The following EPB41L4A variants were observed in gnomAD, a reference collection of about 807,000 sequenced individuals.
EPB41L4A encodes the protein band 4.1-like protein 4A.
Under a neutral mutation model 108.6 loss-of-function variants are expected in EPB41L4A, and 100 were observed. The ratio of observed to expected loss-of-function variants is 0.92; its 90% CI spans 0.78 to 1.09. The LOEUF is 1.09. Among genes scored for constraint, EPB41L4A ranks in the 50% least tolerant of loss-of-function variants. The pLI is 0.00. For missense variants in EPB41L4A, 1,030 were observed against 842.7 expected (o/e 1.22, Z -2.75); for synonymous variants, 319 against 289.0 (o/e 1.10, Z -1.05).
chr5:112,330,229 T>C (rs1756470891), intron 1 of EPB41L4A, among the ~76,000 whole-genome samples: 1 of 151,892 alleles, frequency 6.6e-6, no homozygotes, highest in South Asian at 2.1e-4. Flanking sequence ...ATGGATTTCA[T>C]TTGCAGGGCA....
rs1043305122 is a variant in EPB41L4A at position 112,164,351 on chromosome 5, G to A, written c.*639C>T. ...GCCCTGGGAAGACGTCCTCCCACTT[G>A]TACTATTGCACAGCAGGCTAGCTGC... On this transcript the variant is annotated 3_prime_UTR_variant, in exon 23 of 23. Coordinates refer to ENST00000261486, the MANE Select transcript of EPB41L4A (RefSeq NM_022140.5). 6.6e-5 allele frequency: 10 copies of A among 152,240 alleles called. No individual in the cohort carries two copies. Among genetic ancestry groups the A allele is most frequent in the African/African-American group, 1.4e-4 (6 of 41,468 alleles). 9.4% of individuals were successfully genotyped at this position (152,240 alleles called of 1,614,324 possible).
At chr5:112,380,931 G>A (rs1440227345) in intron 1 of EPB41L4A, among the ~76,000 whole-genome samples, 1 of 151,876 alleles carries the variant, frequency 6.6e-6, no homozygotes, top group Admixed American at 6.6e-5. Flanking sequence ...ATTCCTTCTG[G>A]TTGCAGGCCA....
intron 9 of EPB41L4A, among the ~76,000 whole-genome samples, chr5:112,255,981 A>G (rs1364182632): frequency 2.6e-4 from 40 of 152,142 alleles, no homozygotes. Flanking sequence ...TTAAGTGACC[A>G]GGACTCCTCT....
intron 15 of EPB41L4A, among the ~76,000 whole-genome samples, chr5:112,198,964 GA>G (rs1485779977): frequency 1.3e-5 from 2 of 152,094 alleles, no homozygotes. Flanking sequence ...TTTCTAGACA[GA>G]AGCAATGCTC....
chr5:112,259,210 T>A lies in EPB41L4A; in HGVS notation c.795+19A>T, dbSNP rs1200250615. ...AAGACACCCCTCTTCTAATTTAAGC[T>A]AAGGGCTTGGAAACTTACATCTTTT... On this transcript the variant is annotated intron_variant, in intron 9 of 22. Transcript: ENST00000261486. 1.8e-5 allele frequency: 28 copies of A among 1,596,340 alleles called. No homozygotes were observed. Among genetic ancestry groups the A allele is most frequent in the Non-Finnish European group, 2.3e-5 (27 of 1,163,892 alleles).
intron 17 of EPB41L4A, among the ~76,000 whole-genome samples, chr5:112,185,670 CT>C (rs1236396362): frequency 6.6e-6 from 1 of 152,144 alleles, no homozygotes; most frequent in African/African-American, 2.4e-5. Flanking sequence ...GAGCATAATT[CT>C]TTCTCTCATT....
intron 1 of EPB41L4A, among the ~76,000 whole-genome samples, chr5:112,360,111 T>C (rs982350449): frequency 3.3e-5 from 5 of 152,078 alleles, no homozygotes; most frequent in East Asian, 1.9e-4. Context: ...ACAGATTCAA[T>C]AGGAATCCAA....
chr5:112,410,521 G>C (rs924239244), intron 1 of EPB41L4A, among the ~76,000 whole-genome samples: 2 of 152,130 alleles, frequency 1.3e-5, no homozygotes, highest in Admixed American at 6.5e-5. Context: ...TAGGAGGTGG[G>C]AATTCCAAGA....
At chr5:112,186,055 T>G (rs1310994283) in intron 17 of EPB41L4A, among the ~76,000 whole-genome samples, 1 of 152,132 alleles carries the variant, frequency 6.6e-6, no homozygotes, top group Admixed American at 6.5e-5. Context: ...AACCCACACC[T>G]GGATTGCTGG....
chr5:112,403,537 G>A (rs73214274), intron 1 of EPB41L4A, among the ~76,000 whole-genome samples: 1 of 152,046 alleles, frequency 6.6e-6, no homozygotes, highest in South Asian at 2.1e-4. Flanking sequence ...GAGTGCAGTG[G>A]AGCTTACTGC....
intron 1 of EPB41L4A, among the ~76,000 whole-genome samples, chr5:112,320,378 C>T (rs1300223221): frequency 6.6e-6 from 1 of 152,178 alleles, no homozygotes; most frequent in Admixed American, 6.5e-5. Flanking sequence ...TTATAACTTT[C>T]CCCCTTAACA....
rs17134308 is a variant in EPB41L4A at position 112,281,863 on chromosome 5, T to C, written c.205-1540A>G. 4.5e-3 allele frequency among the ~76,000 whole-genome samples: 690 copies of C among 152,336 alleles called. 9 individuals carry two copies. The highest frequency in any genetic ancestry group is 0.016 in the African/African-American group (668 of 41,582). ...TACAACTGTTGTAGTCATTTTACTG[T>C]AAGATTTTATAACTATACTAAACTC... On this transcript the variant is annotated intron_variant, in intron 2 of 22. Coordinates refer to ENST00000261486, the MANE Select transcript of EPB41L4A (RefSeq NM_022140.5).
intron 1 of EPB41L4A, among the ~76,000 whole-genome samples, chr5:112,330,177 A>C (rs1443286927): frequency 6.6e-6 from 1 of 151,866 alleles, no homozygotes; most frequent in East Asian, 2.0e-4. Context: ...GCTTAGGTGT[A>C]CTCAGGTCCA....
chr5:112,346,216 ATTTTTT>A (rs561328868), intron 1 of EPB41L4A, among the ~76,000 whole-genome samples: 1,816 of 67,264 alleles, frequency 0.027, 13 homozygotes, highest in Middle Eastern at 0.1. Context: ...GGTACATTGC[ATTTTTT>A]TTTTTTTTTT....
chr5:112,280,120 G>T (rs1752871565), intron 3 of EPB41L4A, 152 bp downstream of exon 3: 1 of 687,732 alleles, frequency 1.5e-6, no homozygotes, highest in Non-Finnish European at 2.6e-6. Context: ...GCCTAGCAAT[G>T]CACACAATAC....
intron 18 of EPB41L4A, among the ~76,000 whole-genome samples, chr5:112,177,727 A>G (rs1445837035): frequency 6.6e-6 from 1 of 152,218 alleles, no homozygotes; most frequent in Admixed American, 6.5e-5. Context: ...TAAATTTTAA[A>G]TGTTACAATA....
chr5:112,419,104 A>G lies in EPB41L4A; in HGVS notation c.-65T>C. 2 of 1,240,888 alleles carry G rather than the reference A, an allele frequency of 1.6e-6. No individual in the cohort carries two copies. The highest frequency in any genetic ancestry group is 2.4e-6 in the Non-Finnish European group (2 of 846,000). 76.9% of individuals were successfully genotyped at this position (1,240,888 alleles called of 1,614,324 possible). A position where few individuals can be genotyped will look rare whatever the true frequency, so the allele number is the denominator to read the frequency against. On this transcript the variant is annotated 5_prime_UTR_variant, in exon 1 of 23. Transcript: ENST00000261486. The stretch of plus-strand genomic sequence containing the variant: ...ACCGAGGCGCCCAGCCGCCCCCTCC[A>G]CTCAAGCGCGATGCATTAATTTATT...
intron 17 of EPB41L4A, among the ~76,000 whole-genome samples, chr5:112,191,049 TA>T (rs942534966): frequency 4.0e-5 from 6 of 151,880 alleles, no homozygotes; most frequent in African/African-American, 1.5e-4. Flanking sequence ...TAAATATTAT[TA>T]AAAAAAACTG....
intron 1 of EPB41L4A, among the ~76,000 whole-genome samples, chr5:112,417,447 A>G (rs1035230070): frequency 6.6e-6 from 1 of 152,168 alleles, no homozygotes; most frequent in Non-Finnish European, 1.5e-5. Flanking sequence ...AATTGTTTCT[A>G]TCTCGACACA....
Sources: gnomAD v4.1 joint callset for allele counts (sites outside exome capture counted in the v4.1 genomes callset) on GRCh38, gnomAD v4.1.1 for gene constraint, MANE v1.5 for transcripts, NCBI Gene and HGNC (gene_info 2026-07-23, HGNC 2026-07-21) for gene names.